DCAKD: variants seen among roughly 807,000 people sequenced by gnomAD.
DCAKD encodes the protein dephospho-CoA kinase domain containing.
A neutral mutation model predicts 18.7 loss-of-function variants in DCAKD; 15 were observed. That is an observed-to-expected ratio of 0.80 (90% CI 0.54 to 1.24). The LOEUF is 1.24. DCAKD is among the 50% of genes most tolerant of loss of function. The pLI is 0.00. For missense variants in DCAKD, 301 were observed against 322.0 expected (o/e 0.93, Z 0.50); for synonymous variants, 130 against 133.0 (o/e 0.98, Z 0.16).
At chr17:45,031,878 T>C (rs184859879) in intron 3 of DCAKD, 989 of 985,452 alleles carry the variant, frequency 1.0e-3, no homozygotes, top group Middle Eastern at 2.6e-3. Context: ...ACTTTGACAG[T>C]TGTATTTGTT....
intron 1 of DCAKD, among the ~76,000 whole-genome samples, chr17:45,059,197 G>A (rs1297278621): frequency 1.3e-5 from 2 of 151,934 alleles, no homozygotes; most frequent in Non-Finnish European, 2.9e-5. Context: ...CCAAAATCGC[G>A]CCACTGCAAT....
At chr17:45,028,957 G>A (rs1255070808) in intron 4 of DCAKD, among the ~76,000 whole-genome samples, 4 of 152,006 alleles carry the variant, frequency 2.6e-5, no homozygotes, top group Non-Finnish European at 4.4e-5. Flanking sequence ...CACCCACCTC[G>A]GCCTCCCAAA....
At chr17:45,051,267 T>A (rs1191098518) in intron 1 of DCAKD, 94 bp downstream of exon 1, 2 of 152,186 alleles carry the variant, frequency 1.3e-5, no homozygotes, top group East Asian at 3.9e-4. Flanking sequence ...CTGTAAACCT[T>A]CCTGCGCGTC....
chr17:45,026,835 T>C (rs1030799959), intron 4 of DCAKD: 1 of 985,176 alleles, frequency 1.0e-6, no homozygotes, highest in Non-Finnish European at 1.2e-6. Flanking sequence ...TGGGAGAATC[T>C]AGTGTGAGAT....
chr17:45,028,398 C>T (rs575431570), intron 4 of DCAKD, among the ~76,000 whole-genome samples: 285 of 151,008 alleles, frequency 1.9e-3, no homozygotes, highest in African/African-American at 6.5e-3. Flanking sequence ...GTATGAGCCA[C>T]CACACCCGGC....
intron 3 of DCAKD, among the ~76,000 whole-genome samples, chr17:45,033,262 C>A (rs1232414434): frequency 6.6e-6 from 1 of 152,244 alleles, no homozygotes; most frequent in Non-Finnish European, 1.5e-5. Context: ...TTCTTGCCAA[C>A]TGGCCCCAGG....
chr17:45,048,011 A>G (rs1443717608), intron 1 of DCAKD, among the ~76,000 whole-genome samples: 1 of 152,200 alleles, frequency 6.6e-6, no homozygotes, highest in Non-Finnish European at 1.5e-5. Context: ...TACTCATGAT[A>G]ACACAATTTT....
At position 45,024,237 on chromosome 17, in the gene DCAKD, C is replaced by G; in HGVS notation, c.*196G>C. ...TCTTGATCTCAAATAGGATACACTC[C>G]AAAGACGGGATGGCCTGGCACAGAG... On this transcript the variant is annotated 3_prime_UTR_variant, in exon 5 of 5. Coordinates refer to ENST00000651974, the MANE Select transcript of DCAKD (RefSeq NM_001288655.2). The G allele has an allele frequency of 1.5e-6, 1 of 685,506 alleles. No individual in the cohort carries two copies. The allele number at this position is 685,506 out of a possible 1,614,324, so 42.5% of individuals were successfully genotyped here.
At position 45,034,355 on chromosome 17, in the gene DCAKD, C is replaced by T. The variant is rs374249436; in HGVS notation, c.148G>A (p.Val50Ile). The T allele has an allele frequency of 1.5e-4, 247 of 1,613,998 alleles. No individual in the cohort carries two copies. Among genetic ancestry groups the T allele is most frequent in the South Asian group, 1.9e-4 (17 of 91,088 alleles). ...AAGACCTCAGTGCCGAAGACCTCTA[C>T]GATGCGCCGGTGGGCAGGGTATCCT... ...QPGYPAHRRI[V>I]EVFGTEVLLE... The change falls in exon 3 of 5, where the codon GTA becomes ATA. Residue 50 changes from valine to isoleucine, a missense_variant. Physicochemically the swap from Val to Ile is conservative, Grantham distance 29. Transcript: ENST00000651974.
chr17:45,027,968 A>G (rs1567829266), intron 4 of DCAKD, among the ~76,000 whole-genome samples: 1 of 149,896 alleles, frequency 6.7e-6, no homozygotes, highest in African/African-American at 2.5e-5. Flanking sequence ...CTTGGGTGAC[A>G]GAGTGAGACT....
At chr17:45,045,002 T>TCAGGGC (rs914058186) in intron 1 of DCAKD, among the ~76,000 whole-genome samples, 1 of 152,202 alleles carries the variant, frequency 6.6e-6, no homozygotes, top group African/African-American at 2.4e-5. Flanking sequence ...GGAATTTGGC[T>TCAGGGC]CAGGGCCAGG....
At chr17:45,051,706 G>A (rs1476783956), upstream of DCAKD, 1 of 110,534 alleles carries the variant, frequency 9.0e-6, no homozygotes, top group African/African-American at 3.4e-5. Context: ...TGGACGGGCG[G>A]GGCCGGGAGA....
intron 4 of DCAKD, chr17:45,026,653 C>T: frequency 4.1e-6 from 4 of 985,404 alleles, no homozygotes; most frequent in Non-Finnish European, 4.8e-6. Context: ...GGGAAGCAGA[C>T]CAAGTGAGGC....
At chr17:45,025,635 G>C (rs2053037381) in intron 4 of DCAKD, among the ~76,000 whole-genome samples, 1 of 152,102 alleles carries the variant, frequency 6.6e-6, no homozygotes, top group Non-Finnish European at 1.5e-5. Flanking sequence ...AGAGCACAAG[G>C]GGTTGCAGCA....
intron 1 of DCAKD, 196 bp from the exon 2 acceptor site, chr17:45,035,195 A>C: frequency 3.2e-6 from 1 of 311,300 alleles, no homozygotes; most frequent in Non-Finnish European, 6.2e-6. Context: ...AAGAAGGCAA[A>C]TGTGGCCAGG....
chr17:45,040,877 T>C (rs978448757), intron 1 of DCAKD, among the ~76,000 whole-genome samples: 1 of 152,170 alleles, frequency 6.6e-6, no homozygotes, highest in Non-Finnish European at 1.5e-5. Context: ...TTTTACTTCT[T>C]GGGCCCAGTA....
At chr17:45,042,694 A>C (rs2053468335) in intron 1 of DCAKD, among the ~76,000 whole-genome samples, 1 of 152,224 alleles carries the variant, frequency 6.6e-6, no homozygotes, top group Admixed American at 6.5e-5. Context: ...CTATTTTTGT[A>C]TACGGCTTCC....
At chr17:45,030,915 G>T in intron 3 of DCAKD, 1 of 947,784 alleles carries the variant, frequency 1.1e-6, no homozygotes, top group Non-Finnish European at 1.3e-6. Context: ...CACAAGCCAA[G>T]GCCAGTCAAG....
At chr17:45,061,047 CCGGTTCCCAAGGGT>C (rs2053845026) in exon 1 of DCAKD, 1 of 1,202,822 alleles carries the variant, frequency 8.3e-7, no homozygotes, top group South Asian at 2.3e-5. Context: ...AGGCGGCCGC[CCGGTTCCCAAGGGT>C]CGGTCCCACC....
Sources: allele counts gnomAD v4.1 joint callset (sites outside exome capture counted in the v4.1 genomes callset), GRCh38; gene constraint gnomAD v4.1.1; transcripts MANE v1.5; gene names NCBI Gene and HGNC (gene_info 2026-07-23, HGNC 2026-07-21).